CMIP: variants seen among roughly 807,000 people sequenced by gnomAD.
CMIP encodes C-Maf-inducing protein.
Under a neutral mutation model 97.3 loss-of-function variants are expected in CMIP, and 13 were observed. The observed-to-expected ratio is 0.13, with a 90% CI of 0.09 to 0.21. The LOEUF (loss-of-function observed/expected upper bound fraction) is 0.21. CMIP is among the 10% of genes least tolerant of loss of function. The pLI is 1.00. For synonymous variants in CMIP, 538 were observed against 436.3 expected (o/e 1.23, Z -2.91); for missense variants, 847 against 1,024.9 (o/e 0.83, Z 2.37).
At chr16:81,695,233 C>T (rs1906577592) in intron 13 of CMIP, among the ~76,000 whole-genome samples, 1 of 152,232 alleles carries the variant, frequency 6.6e-6, no homozygotes. Flanking sequence ...TTCTCTCTCC[C>T]TTTTCCTCCT....
chr16:81,669,152 T>C (rs2092649663), intron 7 of CMIP, among the ~76,000 whole-genome samples: 1 of 59,900 alleles, frequency 1.7e-5, no homozygotes, highest in African/African-American at 7.0e-5. Flanking sequence ...CATACCTCCT[T>C]CCACACCCCT....
intron 4 of CMIP, among the ~76,000 whole-genome samples, chr16:81,657,450 A>G (rs1378058334): frequency 1.3e-5 from 2 of 152,238 alleles, no homozygotes; most frequent in Middle Eastern, 3.4e-3. Flanking sequence ...TCCTCTCCCA[A>G]TAGCCTATTG....
At chr16:81,500,264 TTCCTTCCG>T (rs1266265700) in intron 1 of CMIP, among the ~76,000 whole-genome samples, 19 of 140,900 alleles carry the variant, frequency 1.3e-4, no homozygotes, top group African/African-American at 4.3e-4. Flanking sequence ...CCGTCCTTCC[TTCCTTCCG>T]TCCTTCCTTC....
chr16:81,696,773 T>C lies in CMIP; in HGVS notation c.1638+106T>C, dbSNP rs1293650886. The C allele has an allele frequency of 2.8e-6, 3 of 1,064,602 alleles. No homozygotes were observed. The South Asian group carries it at 4.6e-5, about 16-fold the overall frequency. 65.9% of individuals were successfully genotyped at this position (1,064,602 alleles called of 1,614,324 possible). Reference sequence around the variant, plus strand: ...ATCCCCTGGGGCCAGCCCCGGAGTTTCCCGGCTAACACAGTGCTGATCATG... The same window carrying C: ...ATCCCCTGGGGCCAGCCCCGGAGTTCCCCGGCTAACACAGTGCTGATCATG... On this transcript the variant is annotated intron_variant, in intron 14 of 20. Transcript: ENST00000537098.
At chr16:81,545,349 T>G (rs1385865410) in intron 1 of CMIP, among the ~76,000 whole-genome samples, 1 of 152,014 alleles carries the variant, frequency 6.6e-6, no homozygotes, top group East Asian at 1.9e-4. Context: ...TGGAAGAGGG[T>G]GGGTGCTTGA....
intron 14 of CMIP, chr16:81,696,924 C>A (rs775246662): frequency 3.7e-6 from 2 of 540,948 alleles, no homozygotes; most frequent in Non-Finnish European, 3.3e-6. Context: ...AGTGAGAAGA[C>A]GACACATGTC....
chr16:81,693,959 C>T (rs1376363229), intron 13 of CMIP, among the ~76,000 whole-genome samples: 3 of 152,200 alleles, frequency 2.0e-5, no homozygotes, highest in Non-Finnish European at 4.4e-5. Context: ...GGCAGCCTTC[C>T]ACCTTCTGCC....
intron 1 of CMIP, among the ~76,000 whole-genome samples, chr16:81,569,494 T>G (rs998668770): frequency 6.6e-6 from 1 of 152,198 alleles, no homozygotes; most frequent in Non-Finnish European, 1.5e-5. Context: ...TGGCTTCTCT[T>G]GAATTCAGTG....
At chr16:81,657,304 C>T (rs918627999) in intron 4 of CMIP, among the ~76,000 whole-genome samples, 4 of 152,186 alleles carry the variant, frequency 2.6e-5, no homozygotes, top group Non-Finnish European at 4.4e-5. Context: ...GTTTGAGAAG[C>T]ACTGAAATCA....
chr16:81,599,829 G>A (rs2091627246), intron 1 of CMIP, among the ~76,000 whole-genome samples: 1 of 152,204 alleles, frequency 6.6e-6, no homozygotes, highest in Non-Finnish European at 1.5e-5. Context: ...TTGTTGTCAA[G>A]TTAAATGAGG....
At chr16:81,707,860 A>G (rs796579422) in intron 20 of CMIP, among the ~76,000 whole-genome samples, 9 of 152,290 alleles carry the variant, frequency 5.9e-5, no homozygotes, top group African/African-American at 2.2e-4. Flanking sequence ...CTCAAAGGTG[A>G]GAAGGCACAG....
At chr16:81,545,753 G>A (rs924257194) in intron 1 of CMIP, among the ~76,000 whole-genome samples, 1 of 152,158 alleles carries the variant, frequency 6.6e-6, no homozygotes, top group African/African-American at 2.4e-5. Flanking sequence ...AGCTCCAAAC[G>A]CCCAGCTTAC....
At chr16:81,524,080 T>C (rs1391328436) in intron 1 of CMIP, among the ~76,000 whole-genome samples, 1 of 152,256 alleles carries the variant, frequency 6.6e-6, no homozygotes, top group East Asian at 1.9e-4. Flanking sequence ...CTCTGCCTCT[T>C]TCACGGGTTC....
At chr16:81,574,613 AAG>A (rs2091157207) in intron 1 of CMIP, among the ~76,000 whole-genome samples, 1 of 152,268 alleles carries the variant, frequency 6.6e-6, no homozygotes, top group Non-Finnish European at 1.5e-5. Flanking sequence ...TTCTGTAAGA[AAG>A]AGCCTTCGAG....
chr16:81,548,313 T>C (rs1429966752), intron 1 of CMIP, among the ~76,000 whole-genome samples: 1 of 152,044 alleles, frequency 6.6e-6, no homozygotes, highest in Non-Finnish European at 1.5e-5. Context: ...TTTAAAGTTT[T>C]TGTAGAGATG....
intron 1 of CMIP, among the ~76,000 whole-genome samples, chr16:81,598,091 T>G (rs771450611): frequency 6.6e-6 from 1 of 152,162 alleles, no homozygotes; most frequent in Admixed American, 6.5e-5. Context: ...TTAAAAGTAC[T>G]AATCCTGACC....
chr16:81,507,909 C>T (rs2150786946), intron 1 of CMIP, among the ~76,000 whole-genome samples: 1 of 152,238 alleles, frequency 6.6e-6, no homozygotes, highest in South Asian at 2.1e-4. Context: ...GGACACTGGC[C>T]CAGCCTGCTG....
At chr16:81,661,538 C>T (rs930211363) in intron 6 of CMIP, among the ~76,000 whole-genome samples, 8 of 152,302 alleles carry the variant, frequency 5.3e-5, no homozygotes, top group African/African-American at 1.9e-4. Flanking sequence ...GACATGTTCT[C>T]AGCACTCCCC....
intron 1 of CMIP, among the ~76,000 whole-genome samples, chr16:81,510,286 G>T (rs1349932004): frequency 2.0e-5 from 3 of 152,146 alleles, no homozygotes; most frequent in Admixed American, 2.0e-4. Context: ...GTTTCCCTGG[G>T]TGTGAGTCGC....
Sources: gnomAD v4.1 joint callset for allele counts (sites outside exome capture counted in the v4.1 genomes callset) on GRCh38, gnomAD v4.1.1 for gene constraint, MANE v1.5 for transcripts, NCBI Gene and HGNC (gene_info 2026-07-23, HGNC 2026-07-21) for gene names.